The following TMC1 variants were observed in gnomAD, a reference collection of about 807,000 sequenced individuals.
The protein encoded by TMC1 is transmembrane channel like 1.
TMC1 carries 84 observed loss-of-function variants against 105.8 expected under a neutral mutation model. That is an observed-to-expected ratio of 0.79 (90% confidence interval 0.67 to 0.95). The LOEUF is 0.95. Ranked by LOEUF, TMC1 falls within the 40% of genes least tolerant of loss-of-function variation. The pLI is 0.00. For synonymous variants in TMC1, 315 were observed against 311.5 expected, an observed-to-expected ratio of 1.01 and a Z score of -0.12; for missense variants, 817 against 914.1, an observed-to-expected ratio of 0.89 and a Z score of 1.37.
intron 17 of TMC1, among the ~76,000 whole-genome samples, chr9:72,804,567 A>T (rs935520365): frequency 6.6e-6 from 1 of 152,172 alleles, no homozygotes; most frequent in Non-Finnish European, 1.5e-5. Context: ...TCCGTTTTTA[A>T]TCTGGAAGAA....
At chr9:72,681,040 C>T (rs949573488) in intron 5 of TMC1, among the ~76,000 whole-genome samples, 3 of 151,974 alleles carry the variant, frequency 2.0e-5, no homozygotes, top group Admixed American at 6.6e-5. Context: ...CCTAAATAAC[C>T]CAAGGATATA....
At chr9:72,766,193 G>A (rs986404115) in intron 12 of TMC1, among the ~76,000 whole-genome samples, 1 of 152,030 alleles carries the variant, frequency 6.6e-6, no homozygotes, top group African/African-American at 2.4e-5. Flanking sequence ...CGAGGTGGGT[G>A]GATCACAAGG....
At chr9:72,698,291 A>AG (rs1826586023) in intron 7 of TMC1, among the ~76,000 whole-genome samples, 1 of 152,216 alleles carries the variant, frequency 6.6e-6, no homozygotes, top group Non-Finnish European at 1.5e-5. Context: ...GTTATTTTAA[A>AG]GGGTTAATAT....
intron 8 of TMC1, among the ~76,000 whole-genome samples, chr9:72,725,078 A>G (rs188296149): frequency 9.5e-4 from 144 of 151,852 alleles, no homozygotes; most frequent in African/African-American, 3.4e-3. Flanking sequence ...TGTGGAGATA[A>G]CCTTCTGTTT....
At chr9:72,542,381 A>T (rs559820480) in intron 1 of TMC1, among the ~76,000 whole-genome samples, 24 of 152,134 alleles carry the variant, frequency 1.6e-4, no homozygotes, top group Admixed American at 1.4e-3. Context: ...AATCACTTCA[A>T]CCTAGGAGGT....
intron 1 of TMC1, among the ~76,000 whole-genome samples, chr9:72,531,503 G>A (rs995873774): frequency 1.2e-4 from 19 of 152,092 alleles, no homozygotes; most frequent in African/African-American, 4.3e-4. Flanking sequence ...ATATTTTCCA[G>A]GTCAACTGGA....
intron 20 of TMC1, 86 bp downstream of exon 20, chr9:72,821,167 T>C (rs921409243): frequency 1.3e-6 from 2 of 1,591,836 alleles, no homozygotes; most frequent in African/African-American, 1.3e-5. Context: ...AAGCTATTTT[T>C]TCCCCCCAAA....
At chr9:72,762,010 G>A (rs1455575805) in intron 12 of TMC1, among the ~76,000 whole-genome samples, 2 of 152,112 alleles carry the variant, frequency 1.3e-5, no homozygotes, top group Admixed American at 6.5e-5. Context: ...TATTGGGGGA[G>A]GGAGGCGTGT....
At chr9:72,629,891 A>C (rs1381278791) in intron 4 of TMC1, among the ~76,000 whole-genome samples, 1 of 151,900 alleles carries the variant, frequency 6.6e-6, no homozygotes, top group African/African-American at 2.4e-5. Flanking sequence ...TTTGAGGTGG[A>C]GTCTCACTCT....
chr9:72,616,754 A>G (rs72731178), intron 3 of TMC1, among the ~76,000 whole-genome samples: 39,334 of 150,754 alleles, frequency 0.26, 5,467 homozygotes, highest in African/African-American at 0.32. Flanking sequence ...ATCCTTTTAA[A>G]GGCACAAAAG....
intron 2 of TMC1, among the ~76,000 whole-genome samples, chr9:72,590,603 A>G (rs970242895): frequency 2.0e-5 from 3 of 152,214 alleles, no homozygotes; most frequent in African/African-American, 7.2e-5. Context: ...AAGGTTGTTC[A>G]TTCATTCAAC....
chr9:72,586,185 CAGT>C (rs1223042673), intron 2 of TMC1, among the ~76,000 whole-genome samples: 1 of 152,192 alleles, frequency 6.6e-6, no homozygotes, highest in Non-Finnish European at 1.5e-5. Context: ...CAGGCCCACA[CAGT>C]AGGGCTTGGG....
chr9:72,700,897 A>G lies in TMC1; in HGVS notation c.362+254A>G, dbSNP rs538939235. ...TATTTCTGCATATATACCCAAATAT[A>G]TGTATATTTACATATATCTGTTTCT... On this transcript the variant is annotated intron_variant, in intron 8 of 23. Coordinates refer to ENST00000297784, the MANE Select transcript of TMC1 (RefSeq NM_138691.3). Among the ~76,000 whole-genome samples, 19 of 151,822 alleles carry G rather than the reference A, an allele frequency of 1.3e-4. No individual in the cohort carries two copies. The South Asian group carries it at 2.3e-3, about 18-fold the overall frequency.
chr9:72,814,198 A>G (rs1234838290), intron 18 of TMC1, among the ~76,000 whole-genome samples: 1 of 152,202 alleles, frequency 6.6e-6, no homozygotes. Context: ...AAACAGAGAC[A>G]GAGAAAGGCT....
At chr9:72,748,278 G>C (rs183321787) in intron 10 of TMC1, among the ~76,000 whole-genome samples, 1 of 152,072 alleles carries the variant, frequency 6.6e-6, no homozygotes, top group East Asian at 1.9e-4. Context: ...TTCCCATTTC[G>C]TAGGGATTTG....
intron 2 of TMC1, among the ~76,000 whole-genome samples, chr9:72,615,902 G>A (rs895288606): frequency 5.3e-5 from 8 of 151,782 alleles, no homozygotes; most frequent in African/African-American, 9.7e-5. Context: ...ACAGGCGTCC[G>A]TCACCACACT....
rs1315656155 is a variant in TMC1 at position 72,694,709 on chromosome 9, A to G, written c.231A>G (p.Arg77=). ...REKERRRRLK[R]GAEEEEIDEE... is the part of the protein sequence containing the mutation. ...AAGAGAGGAGGAGGAGGCTAAAGAG[A>G]GGAGCGTAAGTTAGTTCTGATATTC... The change falls in exon 7 of 24, where the codon AGA becomes AGG. Residue 77 remains arginine (R), a synonymous_variant. Transcript: ENST00000297784. The G allele has an allele frequency of 6.2e-7, 1 of 1,607,924 alleles. No individual in the cohort carries two copies. The highest frequency in any genetic ancestry group is 1.1e-5 in the South Asian group (1 of 90,252).
chr9:72,733,395 T>C (rs1380755583), intron 8 of TMC1, among the ~76,000 whole-genome samples: 1 of 151,924 alleles, frequency 6.6e-6, no homozygotes, highest in African/African-American at 2.4e-5. Flanking sequence ...CCTCTCATGC[T>C]CACTTACTAA....
At chr9:72,714,694 A>G (rs554530037) in intron 8 of TMC1, among the ~76,000 whole-genome samples, 1 of 152,082 alleles carries the variant, frequency 6.6e-6, no homozygotes, top group Non-Finnish European at 1.5e-5. Flanking sequence ...AATACAGCAC[A>G]CCAATGGGTC....
Sources: gnomAD v4.1 joint callset for allele counts (sites outside exome capture counted in the v4.1 genomes callset) on GRCh38, gnomAD v4.1.1 for gene constraint, MANE v1.5 for transcripts, NCBI Gene and HGNC (gene_info 2026-07-23, HGNC 2026-07-21) for gene names.